The following NBEA variants were observed in gnomAD, a reference collection of about 807,000 sequenced individuals.
NBEA encodes the protein neurobeachin, also known as lysosomal-trafficking regulator 2.
NBEA carries 44 observed loss-of-function variants against 343.4 expected under a neutral mutation model. That is an observed-to-expected ratio of 0.13 (90% CI 0.10 to 0.16). The LOEUF (loss-of-function observed/expected upper bound fraction) is 0.16, where lower values mean the gene tolerates loss of function less well. Ranked by LOEUF, NBEA falls within the 10% of genes least tolerant of loss-of-function variation. The pLI is 1.00. For synonymous variants in NBEA, 1,175 were observed against 1,238.7 expected, an observed-to-expected ratio of 0.95 and a Z score of 1.08; for missense variants, 2,555 against 3,631.3, an observed-to-expected ratio of 0.70 and a Z score of 7.62.
At chr13:35,376,713 G>A (rs1218842387) in intron 38 of NBEA, among the ~76,000 whole-genome samples, 2 of 152,156 alleles carry the variant, frequency 1.3e-5, no homozygotes, top group African/African-American at 2.4e-5. Flanking sequence ...AGACTGTGAG[G>A]TGATTAGTCT....
At chr13:35,200,659 C>G (rs750395551) in intron 31 of NBEA, among the ~76,000 whole-genome samples, 5 of 151,884 alleles carry the variant, frequency 3.3e-5, no homozygotes, top group African/African-American at 9.7e-5. Flanking sequence ...TTGATATATT[C>G]AGGGAAACTA....
intron 38 of NBEA, among the ~76,000 whole-genome samples, chr13:35,401,284 T>C (rs1413551905): frequency 1.3e-5 from 2 of 151,944 alleles, no homozygotes; most frequent in African/African-American, 2.4e-5. Context: ...CATGAGCAAG[T>C]AGGAGGTGGC....
In NBEA at chr13:35,550,994, G is replaced by T; in HGVS notation, c.6768G>T (p.Arg2256=). The T allele has an allele frequency of 6.2e-7, 1 of 1,609,886 alleles. No individual in the cohort carries two copies. Among genetic ancestry groups the T allele is most frequent in the South Asian group, 1.1e-5 (1 of 90,920 alleles). ...AAAAAGTTGTCTATAGCTTGCCTCG[G>T]GTTGGAGTAGGGACCAGCTATGGTC... ...TVKKVVYSLP[R]VGVGTSYGLP... is the part of the protein sequence containing the mutation. Residue 2256 remains arginine, a synonymous_variant, in exon 43 of 59, where the codon CGG becomes CGT. Coordinates refer to ENST00000379939, the MANE Select transcript of NBEA (RefSeq NM_001385012.1).
chr13:35,552,127 T>C (rs1007618757), intron 43 of NBEA, among the ~76,000 whole-genome samples: 4 of 152,230 alleles, frequency 2.6e-5, no homozygotes, highest in Admixed American at 6.5e-5. Context: ...TAGACTGTTA[T>C]GTCCTTGAGA....
At chr13:35,335,193 G>T (rs948773385) in intron 36 of NBEA, among the ~76,000 whole-genome samples, 4 of 152,044 alleles carry the variant, frequency 2.6e-5, no homozygotes, top group African/African-American at 9.7e-5. Context: ...CTGTTTCATT[G>T]CTCTATGTAT....
At chr13:35,069,798 C>T (rs184967240) in intron 8 of NBEA, 110 bp from the exon 9 acceptor site, 1 of 650,282 alleles carries the variant, frequency 1.5e-6, no homozygotes, top group Non-Finnish European at 2.4e-6. Flanking sequence ...GTCCCTGACA[C>T]ATGAAAGGTA....
At chr13:35,474,230 TAATTA>T (rs1019398872) in intron 41 of NBEA, 1 of 152,612 alleles carries the variant, frequency 6.6e-6, no homozygotes, top group Non-Finnish European at 1.5e-5. Context: ...TATTACCATC[TAATTA>T]AATAAAAACC....
chr13:35,401,706 T>C (rs1289512756), intron 38 of NBEA, among the ~76,000 whole-genome samples: 1 of 152,050 alleles, frequency 6.6e-6, no homozygotes, highest in Non-Finnish European at 1.5e-5. Context: ...GAAAAGAATG[T>C]GCTTTTAGAG....
At chr13:35,073,498 G>A (rs974802357) in intron 10 of NBEA, among the ~76,000 whole-genome samples, 4 of 152,086 alleles carry the variant, frequency 2.6e-5, no homozygotes, top group Non-Finnish European at 5.9e-5. Context: ...TCAAGCTGAA[G>A]CATTTTATCT....
At chr13:35,314,365 G>A (rs1016212326) in intron 36 of NBEA, among the ~76,000 whole-genome samples, 14 of 152,092 alleles carry the variant, frequency 9.2e-5, no homozygotes, top group African/African-American at 1.9e-4. Context: ...TCAGCAGTTC[G>A]CAGTTCAGAG....
intron 38 of NBEA, among the ~76,000 whole-genome samples, chr13:35,389,011 G>A (rs936176574): frequency 6.6e-6 from 1 of 151,186 alleles, no homozygotes; most frequent in African/African-American, 2.4e-5. Flanking sequence ...AAAGTCTGGC[G>A]GGTTTCTTTT....
At chr13:35,631,117 G>C (rs553497982) in intron 49 of NBEA, among the ~76,000 whole-genome samples, 2 of 152,202 alleles carry the variant, frequency 1.3e-5, no homozygotes, top group South Asian at 2.1e-4. Context: ...GTGAGGCCGA[G>C]TCATTCAATC....
intron 10 of NBEA, among the ~76,000 whole-genome samples, chr13:35,090,762 C>T (rs887918322): frequency 6.6e-6 from 1 of 151,768 alleles, no homozygotes; most frequent in African/African-American, 2.4e-5. Context: ...GTAGAGTGAG[C>T]ACACTCTACC....
At chr13:35,391,274 C>CAA (rs76463042) in intron 38 of NBEA, among the ~76,000 whole-genome samples, 2 of 97,214 alleles carry the variant, frequency 2.1e-5, no homozygotes, top group Non-Finnish European at 2.1e-5. Flanking sequence ...GACTTGATCT[C>CAA]AAAAAAAAAA....
rs547907440 is a variant in NBEA, at chr13:35,159,512, G to C, written c.3341G>C (p.Ser1114Thr). Residue 1114 changes from serine (S) to threonine (T), a missense_variant, in exon 22 of 59, where the codon AGT becomes ACT. This residue lies in a region of NBEA where 367 missense variants were observed against 377.5 expected (regional missense o/e 0.97). Coordinates refer to ENST00000379939, the MANE Select transcript of NBEA (RefSeq NM_001385012.1). ...AAACTCCAGAACAATGTACATGGAA[G>C]TGTTGGTATCATTAAAAAAAATGAA... ...VEKLQNNVHG[S>T]VGIIKKNEEK... is the part of the protein sequence containing the mutation. 47 of 1,613,148 alleles carry C rather than the reference G, an allele frequency of 2.9e-5. No individual in the cohort carries two copies. In the Middle Eastern group the frequency reaches 1.5e-3, roughly 51 times the overall value.
chr13:34,983,723 G>T (rs1482328589), intron 1 of NBEA, among the ~76,000 whole-genome samples: 1 of 152,136 alleles, frequency 6.6e-6, no homozygotes, highest in Non-Finnish European at 1.5e-5. Flanking sequence ...TCTAACTGGT[G>T]TGAGATGGTA....
intron 39 of NBEA, among the ~76,000 whole-genome samples, chr13:35,436,935 C>T (rs1008412730): frequency 5.9e-5 from 9 of 152,084 alleles, no homozygotes; most frequent in African/African-American, 2.2e-4. Context: ...ACTGGGAGAA[C>T]AAGCTTAAAT....
chr13:35,291,436 C>G (rs2035795820), intron 35 of NBEA, among the ~76,000 whole-genome samples: 1 of 151,778 alleles, frequency 6.6e-6, no homozygotes, highest in Admixed American at 6.6e-5. Flanking sequence ...AGAATATATT[C>G]CTAGGAAAAT....
chr13:35,225,980 C>T (rs915660096), intron 33 of NBEA, among the ~76,000 whole-genome samples: 5 of 152,198 alleles, frequency 3.3e-5, no homozygotes, highest in African/African-American at 1.2e-4. Flanking sequence ...GTTGATTTTT[C>T]AATTTATATA....
Sources: allele counts gnomAD v4.1 joint callset (sites outside exome capture counted in the v4.1 genomes callset), GRCh38; gene constraint gnomAD v4.1.1; regional missense constraint gnomAD v4.1.1; transcripts MANE v1.5; gene names NCBI Gene and HGNC (gene_info 2026-07-23, HGNC 2026-07-21).